Variants in KCNK1 observed in about 807,000 individuals in gnomAD.
The protein encoded by KCNK1 is potassium two pore domain channel subfamily K member 1.
A neutral mutation model predicts 22.2 loss-of-function variants in KCNK1; 10 were observed. That is an observed-to-expected ratio of 0.45 (90% confidence interval 0.28 to 0.76). The LOEUF (loss-of-function observed/expected upper bound fraction) is 0.76, where lower values mean the gene tolerates loss of function less well. KCNK1 is among the 30% of genes least tolerant of loss of function. The pLI is 0.14. For missense variants in KCNK1, 378 were observed against 421.0 expected (o/e 0.90, Z 0.89); for synonymous variants, 200 against 186.4 (o/e 1.07, Z -0.60).
chr1:233,657,647 A>G (rs77872956), intron 1 of KCNK1, among the ~76,000 whole-genome samples: 3,520 of 152,128 alleles, frequency 0.023, 65 homozygotes, highest in Non-Finnish European at 0.035. Flanking sequence ...GAAAGAAAAA[A>G]GAAAAAGGAA....
At chr1:233,662,767 T>G (rs1479423826) in intron 1 of KCNK1, among the ~76,000 whole-genome samples, 2 of 152,052 alleles carry the variant, frequency 1.3e-5, no homozygotes, top group Admixed American at 1.3e-4. Flanking sequence ...ACAAGAACAT[T>G]AGTGAGTGAG....
intron 1 of KCNK1, among the ~76,000 whole-genome samples, chr1:233,657,094 A>C (rs10910239): frequency 2.3e-4 from 35 of 152,344 alleles, no homozygotes; most frequent in African/African-American, 8.4e-4. Context: ...AGAGATGGCC[A>C]GTACTGAGTA....
intron 1 of KCNK1, among the ~76,000 whole-genome samples, chr1:233,664,628 G>A (rs576475939): frequency 6.6e-6 from 1 of 152,190 alleles, no homozygotes; most frequent in Non-Finnish European, 1.5e-5. Context: ...GGGCCTTGCC[G>A]TAGTTCATTC....
chr1:233,646,646 G>A (rs891892174), intron 1 of KCNK1, among the ~76,000 whole-genome samples: 3 of 152,098 alleles, frequency 2.0e-5, no homozygotes, highest in African/African-American at 7.2e-5. Context: ...GTCCTGGAGG[G>A]TTCTAATGTG....
Position 233,671,678 on chromosome 1 carries a change from CA to C in KCNK1, c.*155del, listed in dbSNP as rs1186672728. 5.4e-5 allele frequency: 47 copies of C among 865,726 alleles called. No homozygotes were observed. The highest frequency in any genetic ancestry group is 7.8e-5 in the Non-Finnish European group (45 of 576,364). 53.6% of individuals were successfully genotyped at this position (865,726 alleles called of 1,614,324 possible). A position where few individuals can be genotyped will look rare whatever the true frequency, so the allele number is the denominator to read the frequency against. On this transcript the variant is annotated 3_prime_UTR_variant, in exon 3 of 3. Transcript: ENST00000366621. The stretch of plus-strand genomic sequence containing the variant: ...TTTGCAATGTCTTATTAAAAAACAA[CA>C]AAAAAAGACAAATGGAACAAAGAAG...
At chr1:233,656,846 G>C (rs535992824) in intron 1 of KCNK1, among the ~76,000 whole-genome samples, 14 of 152,194 alleles carry the variant, frequency 9.2e-5, no homozygotes, top group African/African-American at 3.4e-4. Context: ...TTGAGCTCCT[G>C]GCCTCAAGCA....
intron 1 of KCNK1, among the ~76,000 whole-genome samples, chr1:233,664,748 T>C (rs1658460919): frequency 6.6e-6 from 1 of 152,256 alleles, no homozygotes; most frequent in African/African-American, 2.4e-5. Context: ...CACACTTGTA[T>C]AAGCCTTAAG....
At chr1:233,626,228 T>C (rs1657686937) in intron 1 of KCNK1, among the ~76,000 whole-genome samples, 1 of 151,868 alleles carries the variant, frequency 6.6e-6, no homozygotes, top group South Asian at 2.1e-4. Context: ...GGATTGGATG[T>C]GAGGGGTAAA....
chr1:233,657,035 A>T (rs1266745541), intron 1 of KCNK1, among the ~76,000 whole-genome samples: 1 of 152,210 alleles, frequency 6.6e-6, no homozygotes, highest in East Asian at 1.9e-4. Flanking sequence ...TTTCTAATTA[A>T]TCTGTTCATG....
rs79834035 is a variant in KCNK1, at chr1:233,666,213, A to G, written c.356-382A>G. 4.6e-3 allele frequency among the ~76,000 whole-genome samples: 704 copies of G among 152,258 alleles called. 7 individuals carry two copies. Among genetic ancestry groups the G allele is most frequent in the African/African-American group, 0.016 (646 of 41,550 alleles). ...TGGGGAAAGTGAACTGAAGGGGTGGAGGGGATAGACTGGCCCTGGTGAAGT... is the reference window on the plus strand; with the variant it reads ...TGGGGAAAGTGAACTGAAGGGGTGGGGGGGATAGACTGGCCCTGGTGAAGT... On this transcript the variant is annotated intron_variant, in intron 1 of 2. Transcript: ENST00000366621.
chr1:233,635,727 G>A (rs887666221), intron 1 of KCNK1, among the ~76,000 whole-genome samples: 2 of 152,168 alleles, frequency 1.3e-5, no homozygotes, highest in African/African-American at 2.4e-5. Context: ...CATGTTTTTA[G>A]ATGCTGAGGA....
chr1:233,658,068 G>A (rs1434346339), intron 1 of KCNK1, among the ~76,000 whole-genome samples: 3 of 152,074 alleles, frequency 2.0e-5, no homozygotes, highest in Admixed American at 6.6e-5. Context: ...GCAGGGATTC[G>A]TATTTTTAAA....
chr1:233,635,706 T>A (rs1420132306), intron 1 of KCNK1, among the ~76,000 whole-genome samples: 1 of 152,222 alleles, frequency 6.6e-6, no homozygotes, highest in Non-Finnish European at 1.5e-5. Context: ...GGGCACCTAC[T>A]GTGTGCCAGG....
At chr1:233,637,009 A>C (rs1657910572) in intron 1 of KCNK1, among the ~76,000 whole-genome samples, 1 of 152,038 alleles carries the variant, frequency 6.6e-6, no homozygotes, top group Non-Finnish European at 1.5e-5. Flanking sequence ...ATCCTGGCTA[A>C]CATGGTGAAA....
chr1:233,631,216 A>T (rs772361083), intron 1 of KCNK1: 45 of 518,636 alleles, frequency 8.7e-5, no homozygotes, highest in Non-Finnish European at 1.7e-4. Flanking sequence ...AATAGGCGTG[A>T]TGGTGACCGA....
intron 1 of KCNK1, among the ~76,000 whole-genome samples, chr1:233,642,108 C>G (rs1252057395): frequency 2.0e-5 from 3 of 152,212 alleles, no homozygotes; most frequent in African/African-American, 7.2e-5. Flanking sequence ...CAGAGAGCTC[C>G]CCTGCGTCTT....
chr1:233,621,441 T>C (rs2102881947), intron 1 of KCNK1, among the ~76,000 whole-genome samples: 1 of 152,322 alleles, frequency 6.6e-6, no homozygotes, highest in Middle Eastern at 3.4e-3. Context: ...ATACAAATAG[T>C]GGAGGACAAG....
chr1:233,617,653 C>A (rs1242529169), intron 1 of KCNK1, among the ~76,000 whole-genome samples: 2 of 152,312 alleles, frequency 1.3e-5, no homozygotes, highest in African/African-American at 4.8e-5. Flanking sequence ...CACACAGGTA[C>A]TCCCAGCATT....
intron 1 of KCNK1, among the ~76,000 whole-genome samples, chr1:233,647,149 C>T (rs896690129): frequency 2.0e-5 from 3 of 152,212 alleles, no homozygotes; most frequent in African/African-American, 4.8e-5. Context: ...GTTTTATAAA[C>T]GGCATGTCAT....
Sources: allele counts gnomAD v4.1 joint callset (sites outside exome capture counted in the v4.1 genomes callset), GRCh38; gene constraint gnomAD v4.1.1; transcripts MANE v1.5; gene names NCBI Gene and HGNC (gene_info 2026-07-23, HGNC 2026-07-21).